SLC39A11: variants seen among roughly 807,000 people sequenced by gnomAD.
The protein encoded by SLC39A11 is solute carrier family 39 member 11.
Under a neutral mutation model 36.1 loss-of-function variants are expected in SLC39A11, and 33 were observed. The ratio of observed to expected loss-of-function variants is 0.91; its 90% CI spans 0.69 to 1.22. The LOEUF (loss-of-function observed/expected upper bound fraction) is 1.22, where lower values mean the gene tolerates loss of function less well. SLC39A11 is among the 50% of genes most tolerant of loss of function. The probability of loss-of-function intolerance (pLI) is 0.00; values close to 1 mark genes in which losing one functional copy is unlikely to be tolerated. For missense variants in SLC39A11, 432 were observed against 430.3 expected, an observed-to-expected ratio of 1.00 and a Z score of -0.03; for synonymous variants, 166 against 170.3, an observed-to-expected ratio of 0.97 and a Z score of 0.20.
chr17:72,649,134 T>A, intron 8 of SLC39A11, 36 bp downstream of exon 8: 1 of 1,593,882 alleles, frequency 6.3e-7, no homozygotes, highest in African/African-American at 1.3e-5. Flanking sequence ...ACATGGAGGA[T>A]GCTGTGACAT....
At position 72,959,323 on chromosome 17, in the gene SLC39A11, GTGTATATATATATATA is replaced by G. The variant is rs1278539287; in HGVS notation, c.307-11464_307-11449del. ...AACTGGTGTATGTATGTGTGTGTGTGTGTATATATATATATATATATATATATATATATATATATAT... is the reference window on the plus strand; with the variant it reads ...AACTGGTGTATGTATGTGTGTGTGTGTATATATATATATATATATATATAT... On this transcript the variant is annotated intron_variant, in intron 4 of 9. Coordinates refer to ENST00000255559, the MANE Select transcript of SLC39A11 (RefSeq NM_139177.4). Among the ~76,000 whole-genome samples, 297 of 81,460 alleles carry G rather than the reference GTGTATATATATATATA, an allele frequency of 3.6e-3. 2 individuals are homozygous for G. Among genetic ancestry groups the G allele is most frequent in the Non-Finnish European group, 5.7e-3 (233 of 41,082 alleles). The allele number at this position is 81,460 out of a possible 152,430, so 53.4% of individuals were successfully genotyped here.
intron 5 of SLC39A11, among the ~76,000 whole-genome samples, chr17:72,914,019 A>AAC (rs1316996611): frequency 6.6e-6 from 1 of 151,658 alleles, no homozygotes; most frequent in Admixed American, 6.6e-5. Context: ...GAAAGAAAAA[A>AAC]AAAGGCTGGG....
intron 5 of SLC39A11, among the ~76,000 whole-genome samples, chr17:72,935,618 C>A (rs1247493922): frequency 1.3e-5 from 2 of 152,222 alleles, no homozygotes; most frequent in African/African-American, 4.8e-5. Flanking sequence ...GCTCTGCAGC[C>A]CAGGCTGGAG....
chr17:72,783,826 G>C (rs889243415), intron 6 of SLC39A11, among the ~76,000 whole-genome samples: 5 of 152,162 alleles, frequency 3.3e-5, no homozygotes, highest in African/African-American at 9.7e-5. Flanking sequence ...AAGAGGAACT[G>C]AGAAAGCTGA....
Position 73,008,990 on chromosome 17 carries a change from C to T in SLC39A11, c.306+22566G>A, listed in dbSNP as rs149464084. ...GCCGGTGGATCAGTTGAGCCTGGGG[C>T]CCTTAAGGCTGCAGTGAGCTGCCAT... is the stretch of plus-strand genomic sequence containing the variant. On this transcript the variant is annotated intron_variant, in intron 4 of 9. Coordinates refer to ENST00000255559, the MANE Select transcript of SLC39A11 (RefSeq NM_139177.4). Among the ~76,000 whole-genome samples the T allele has an allele frequency of 6.1e-5, 9 of 146,448 alleles. No homozygotes were observed. In the East Asian group the frequency reaches 1.8e-3, roughly 29 times the overall value.
chr17:73,062,719 G>A (rs943470786), intron 3 of SLC39A11, among the ~76,000 whole-genome samples: 4 of 152,092 alleles, frequency 2.6e-5, no homozygotes, highest in African/African-American at 7.2e-5. Flanking sequence ...GACTGGTTTC[G>A]TGGAAGACAG....
intron 6 of SLC39A11, among the ~76,000 whole-genome samples, chr17:72,751,147 C>T (rs1353660229): frequency 6.6e-6 from 1 of 152,130 alleles, no homozygotes; most frequent in African/African-American, 2.4e-5. Context: ...ATTTGGGAGG[C>T]TGAGGAATGA....
chr17:72,784,186 A>T (rs922242477), intron 6 of SLC39A11, among the ~76,000 whole-genome samples: 3 of 152,114 alleles, frequency 2.0e-5, no homozygotes, highest in East Asian at 1.9e-4. Context: ...CTCTACTAAA[A>T]ATACAAAAAT....
In SLC39A11 at chr17:72,646,952, A is replaced by AC. The variant is rs1389695504; in HGVS notation, c.*631_*632insG. The AC allele has an allele frequency of 6.6e-6, 1 of 151,324 alleles. No homozygotes were observed. The highest frequency in any genetic ancestry group is 2.4e-5 in the African/African-American group (1 of 41,156). 9.4% of individuals were successfully genotyped at this position (151,324 alleles called of 1,614,324 possible). The stretch of plus-strand genomic sequence containing the variant: ...AATAATGTCAATCTTTGCCTTTAAA[A>AC]AAAAAAAAAAAAAAAGCCAGACTAG... On this transcript the variant is annotated 3_prime_UTR_variant, in exon 10 of 10. Transcript: ENST00000255559.
intron 3 of SLC39A11, among the ~76,000 whole-genome samples, chr17:73,084,229 G>A (rs929467488): frequency 2.0e-5 from 3 of 152,018 alleles, no homozygotes; most frequent in African/African-American, 7.2e-5. Flanking sequence ...CTTGAGCCCA[G>A]GAGTTCAAGA....
intron 3 of SLC39A11, among the ~76,000 whole-genome samples, chr17:73,044,679 G>C (rs953478088): frequency 2.0e-5 from 3 of 152,074 alleles, no homozygotes; most frequent in Non-Finnish European, 2.9e-5. Flanking sequence ...TTCAAGACCA[G>C]CCTGGCCAAT....
chr17:73,026,051 G>A (rs2058524919), intron 4 of SLC39A11, among the ~76,000 whole-genome samples: 1 of 152,046 alleles, frequency 6.6e-6, no homozygotes, highest in African/African-American at 2.4e-5. Context: ...CCGGGAGGCG[G>A]AGGTCGCAAT....
intron 3 of SLC39A11, chr17:73,068,180 G>C (rs957413820): frequency 1.6e-6 from 2 of 1,224,356 alleles, no homozygotes; most frequent in African/African-American, 1.5e-5. Flanking sequence ...AACTGCAGTG[G>C]AAGACGGGGG....
intron 6 of SLC39A11, among the ~76,000 whole-genome samples, chr17:72,741,774 G>A (rs1018969054): frequency 6.6e-6 from 1 of 152,150 alleles, no homozygotes; most frequent in African/African-American, 2.4e-5. Flanking sequence ...GGCCCAGGGT[G>A]TTGGTCCTTC....
At chr17:73,000,080 G>T (rs2089734375) in intron 4 of SLC39A11, among the ~76,000 whole-genome samples, 2 of 152,046 alleles carry the variant, frequency 1.3e-5, no homozygotes, top group African/African-American at 4.8e-5. Context: ...TGTGTCTAGG[G>T]AATTGCCCAC....
chr17:72,846,311 T>C (rs2079053123), intron 6 of SLC39A11, among the ~76,000 whole-genome samples: 1 of 152,218 alleles, frequency 6.6e-6, no homozygotes, highest in Non-Finnish European at 1.5e-5. Context: ...ATTACAGGCA[T>C]GAGCCACTGC....
intron 7 of SLC39A11, among the ~76,000 whole-genome samples, chr17:72,654,118 TA>T (rs2069994529): frequency 6.6e-6 from 1 of 152,164 alleles, no homozygotes; most frequent in Non-Finnish European, 1.5e-5. Flanking sequence ...TCTGGGTCCC[TA>T]ACATGTCTTC....
intron 4 of SLC39A11, among the ~76,000 whole-genome samples, chr17:72,976,651 C>T (rs2087871883): frequency 6.6e-6 from 1 of 152,144 alleles, no homozygotes; most frequent in Non-Finnish European, 1.5e-5. Context: ...GAGATCGAGA[C>T]CATCCAGGCC....
At chr17:73,017,704 G>A (rs533103315) in intron 4 of SLC39A11, among the ~76,000 whole-genome samples, 16 of 151,986 alleles carry the variant, frequency 1.1e-4, no homozygotes, top group South Asian at 6.3e-4. Context: ...TATAGACTTC[G>A]TCTCAAAAAT....
Sources: allele counts gnomAD v4.1 joint callset (sites outside exome capture counted in the v4.1 genomes callset), GRCh38; gene constraint gnomAD v4.1.1; transcripts MANE v1.5; gene names NCBI Gene and HGNC (gene_info 2026-07-23, HGNC 2026-07-21).